The following KCNJ6 variants were observed in gnomAD, a reference collection of about 807,000 sequenced individuals.
The protein encoded by KCNJ6 is G protein-activated inward rectifier potassium channel 2.
A neutral mutation model predicts 34.2 loss-of-function variants in KCNJ6; 9 were observed. The ratio of observed to expected loss-of-function variants is 0.26; its 90% confidence interval spans 0.16 to 0.46. The LOEUF (loss-of-function observed/expected upper bound fraction) is 0.46, where lower values mean the gene tolerates loss of function less well. KCNJ6 is among the 20% of genes least tolerant of loss of function. The pLI, the probability that KCNJ6 is intolerant of heterozygous loss-of-function variation, is 1.00. For missense variants in KCNJ6, 236 were observed against 531.3 expected (o/e 0.44, Z 5.46); for synonymous variants, 196 against 207.1 (o/e 0.95, Z 0.46).
chr21:37,874,996 C>T (rs1046020623), intron 1 of KCNJ6, among the ~76,000 whole-genome samples: 2 of 152,272 alleles, frequency 1.3e-5, no homozygotes, highest in East Asian at 1.9e-4. Flanking sequence ...GGCAGTTCTG[C>T]TCCAAACCTC....
chr21:37,858,949 T>C (rs2055578900), intron 1 of KCNJ6, among the ~76,000 whole-genome samples: 1 of 152,128 alleles, frequency 6.6e-6, no homozygotes, highest in Admixed American at 6.5e-5. Flanking sequence ...AAACATACTT[T>C]ATGGTAGGGA....
At chr21:37,818,267 T>G (rs2055357396) in intron 2 of KCNJ6, among the ~76,000 whole-genome samples, 1 of 151,314 alleles carries the variant, frequency 6.6e-6, no homozygotes, top group Non-Finnish European at 1.5e-5. Context: ...TGGGGCAGTT[T>G]CCTTCCTTCC....
At chr21:37,834,459 A>T (rs1462160994) in intron 2 of KCNJ6, among the ~76,000 whole-genome samples, 2 of 152,232 alleles carry the variant, frequency 1.3e-5, no homozygotes, top group Non-Finnish European at 2.9e-5. Flanking sequence ...ACAGCGACTT[A>T]CAGGATGCTT....
At chr21:37,710,633 G>A (rs898780713) in intron 3 of KCNJ6, among the ~76,000 whole-genome samples, 5 of 152,364 alleles carry the variant, frequency 3.3e-5, no homozygotes, top group South Asian at 4.1e-4. Flanking sequence ...CAGCAAGGCC[G>A]TAGTGGGGGC....
intron 3 of KCNJ6, among the ~76,000 whole-genome samples, chr21:37,654,581 C>T (rs1200240075): frequency 2.0e-5 from 3 of 152,086 alleles, no homozygotes; most frequent in Non-Finnish European, 4.4e-5. Context: ...CCCCTCTGGC[C>T]ACCATGCAGG....
intron 3 of KCNJ6, among the ~76,000 whole-genome samples, chr21:37,688,073 ACTCT>A (rs1302607613): frequency 8.6e-5 from 13 of 151,936 alleles, no homozygotes; most frequent in African/African-American, 2.2e-4. Context: ...GAAATAGAGA[ACTCT>A]CTATTTCTAT....
chr21:37,860,674 G>A (rs55982812), intron 1 of KCNJ6, among the ~76,000 whole-genome samples: 49,088 of 151,806 alleles, frequency 0.32, 8,560 homozygotes, highest in African/African-American at 0.46. Flanking sequence ...GTCCTTCCCC[G>A]GGGCCATTGT....
intron 3 of KCNJ6, among the ~76,000 whole-genome samples, chr21:37,649,132 CAAAAA>C (rs1169306298): frequency 2.5e-5 from 1 of 40,034 alleles, no homozygotes; most frequent in Non-Finnish European, 5.2e-5. Flanking sequence ...GACTCCATCT[CAAAAA>C]AAAAAAAAAA....
intron 2 of KCNJ6, among the ~76,000 whole-genome samples, chr21:37,787,136 A>T (rs916967013): frequency 1.3e-5 from 2 of 151,600 alleles, no homozygotes; most frequent in Non-Finnish European, 2.9e-5. Flanking sequence ...AAAATAGTTT[A>T]AAAAAAACAA....
chr21:37,796,252 A>G (rs368081924), intron 2 of KCNJ6, among the ~76,000 whole-genome samples: 11 of 152,346 alleles, frequency 7.2e-5, no homozygotes, highest in African/African-American at 2.6e-4. Flanking sequence ...AGCTGGATCA[A>G]CAGCCTTCGC....
chr21:37,881,705 C>T (rs1350244338), intron 1 of KCNJ6, among the ~76,000 whole-genome samples: 8 of 152,160 alleles, frequency 5.3e-5, no homozygotes, highest in Non-Finnish European at 1.2e-4. Flanking sequence ...ACCACCTATC[C>T]TATTGCCCTC....
intron 2 of KCNJ6, among the ~76,000 whole-genome samples, chr21:37,825,865 G>A (rs1416041933): frequency 6.6e-6 from 1 of 152,168 alleles, no homozygotes; most frequent in Non-Finnish European, 1.5e-5. Flanking sequence ...ATCAGATCTT[G>A]TAAGACTTAT....
intron 3 of KCNJ6, among the ~76,000 whole-genome samples, chr21:37,672,023 T>C (rs896483114): frequency 6.6e-6 from 1 of 152,196 alleles, no homozygotes; most frequent in Admixed American, 6.5e-5. Flanking sequence ...TTTACTTCTT[T>C]CCAATTGGAA....
chr21:37,822,545 A>G (rs1204984075), intron 2 of KCNJ6, among the ~76,000 whole-genome samples: 1 of 152,222 alleles, frequency 6.6e-6, no homozygotes, highest in East Asian at 1.9e-4. Flanking sequence ...TTATCTGTCA[A>G]AAGAAACGCC....
chr21:37,654,503 T>C (rs948879620), intron 3 of KCNJ6, among the ~76,000 whole-genome samples: 10 of 152,036 alleles, frequency 6.6e-5, no homozygotes, highest in Admixed American at 3.3e-4. Flanking sequence ...AATACAGCAG[T>C]TTTAGGAGAA....
Position 37,645,143 on chromosome 21 carries a change from G to A in KCNJ6, c.947-19659C>T, listed in dbSNP as rs560987198. Among the ~76,000 whole-genome samples, 6 of 152,092 alleles carry A rather than the reference G, an allele frequency of 3.9e-5. No individual in the cohort carries two copies. The South Asian group carries it at 6.2e-4, about 16-fold the overall frequency. On this transcript the variant is annotated intron_variant, in intron 3 of 3. Transcript: ENST00000609713. ...TAATCCCAGCAATTTGGGAGGCTGA[G>A]GCAGGAGGATCATTTGAGGCCAGAG...
At chr21:37,672,112 G>A (rs1238272842) in intron 3 of KCNJ6, among the ~76,000 whole-genome samples, 1 of 152,112 alleles carries the variant, frequency 6.6e-6, no homozygotes, top group East Asian at 1.9e-4. Context: ...TAGTCTAGGA[G>A]GGATTGACCC....
chr21:37,681,572 TGG>T (rs2054590824), intron 3 of KCNJ6, among the ~76,000 whole-genome samples: 1 of 76,212 alleles, frequency 1.3e-5, no homozygotes, highest in Admixed American at 1.4e-4. Context: ...ACATGCTTGT[TGG>T]TTTCACTCGG....
intron 1 of KCNJ6, among the ~76,000 whole-genome samples, chr21:37,900,174 A>G (rs1328310526): frequency 6.6e-6 from 1 of 152,252 alleles, no homozygotes; most frequent in Non-Finnish European, 1.5e-5. Context: ...CAGCAATTAT[A>G]TGTATAATGC....
Sources: gnomAD v4.1 joint callset for allele counts (sites outside exome capture counted in the v4.1 genomes callset) on GRCh38, gnomAD v4.1.1 for gene constraint, MANE v1.5 for transcripts, NCBI Gene and HGNC (gene_info 2026-07-23, HGNC 2026-07-21) for gene names.